Variants in SUMO2 observed in about 807,000 individuals in gnomAD.
SUMO2 encodes small ubiquitin like modifier 2.
Under a neutral mutation model 16.0 loss-of-function variants are expected in SUMO2, and 1 was observed. The ratio of observed to expected loss-of-function variants is 0.06; its 90% CI spans 0.02 to 0.30. The LOEUF (loss-of-function observed/expected upper bound fraction) is 0.30, where lower values mean the gene tolerates loss of function less well. SUMO2 is among the 10% of genes least tolerant of loss of function. The pLI, the probability that SUMO2 is intolerant of heterozygous loss-of-function variation, is 1.00. For synonymous variants in SUMO2, 36 were observed against 40.6 expected, an observed-to-expected ratio of 0.89 and a Z score of 0.43; for missense variants, 16 against 117.5, an observed-to-expected ratio of 0.14 and a Z score of 3.99.
chr17:75,181,237 C>G, intron 1 of SUMO2, 49 bp from the exon 2 acceptor site: 4 of 1,598,030 alleles, frequency 2.5e-6, no homozygotes, highest in Non-Finnish European at 3.4e-6. Flanking sequence ...GATCAACGAA[C>G]ACGTTTTATA....
At chr17:75,178,323 G>A (rs1251979864) in intron 2 of SUMO2, among the ~76,000 whole-genome samples, 2 of 151,794 alleles carry the variant, frequency 1.3e-5, no homozygotes, top group Non-Finnish European at 2.9e-5. Context: ...AGATCATCCT[G>A]GCCAATATTG....
rs140186027 is a variant in SUMO2, at chr17:75,174,829, C to T, written c.154-6G>A. On this transcript the variant is annotated splice_region_variant and splice_polypyrimidine_tract_variant and intron_variant, in intron 2 of 3. Transcript: ENST00000420826. Reference sequence around the variant, plus strand: ...ATCTGCCTCATTGACAATCCCTGAACGAGAATTTAAAAGCAATAAACAGCA... The same window carrying T: ...ATCTGCCTCATTGACAATCCCTGAATGAGAATTTAAAAGCAATAAACAGCA... 1.7e-4 allele frequency: 273 copies of T among 1,611,648 alleles called. No homozygotes were observed. In the African/African-American group the frequency reaches 3.2e-3, roughly 19 times the overall value.
chr17:75,181,276 A>G, intron 1 of SUMO2, 88 bp from the exon 2 acceptor site: 1 of 1,384,460 alleles, frequency 7.2e-7, no homozygotes, highest in South Asian at 1.3e-5. Context: ...TTGCTTCAAA[A>G]ATCAACAGGT....
rs1218886804 is a variant in SUMO2 at position 75,182,937 on chromosome 17, G to A, written c.-103C>T. The A allele has an allele frequency of 3.0e-5, 31 of 1,049,314 alleles. No individual in the cohort carries two copies. The Middle Eastern group carries it at 1.1e-3, about 36-fold the overall frequency. The allele number at this position is 1,049,314 out of a possible 1,614,324, so 65.0% of individuals were successfully genotyped here. A position where few individuals can be genotyped will look rare whatever the true frequency, so the allele number is the denominator to read the frequency against. ...ACCAGGAGCGGCAGAAGAAGGAGGCGGCAGCGGTGGACGAGGGGAGAGGGT... is the reference window on the plus strand; with the variant it reads ...ACCAGGAGCGGCAGAAGAAGGAGGCAGCAGCGGTGGACGAGGGGAGAGGGT... On this transcript the variant is annotated 5_prime_UTR_variant, in exon 1 of 4. Transcript: ENST00000420826.
intron 3 of SUMO2, among the ~76,000 whole-genome samples, chr17:75,173,598 A>C (rs1328841890): frequency 6.6e-6 from 1 of 151,868 alleles, no homozygotes; most frequent in Non-Finnish European, 1.5e-5. Context: ...CCTCACCCTA[A>C]GAAGTAGCTG....
In SUMO2 at chr17:75,181,044, A is replaced by T. The variant is rs2074825176; in HGVS notation, c.153+13T>A. On this transcript the variant is annotated intron_variant, in intron 2 of 3. Transcript: ENST00000420826. ...AGTTTTATTCAGTGGAAGTACACATATGAATTCCTCACCTGTCGTTCACAA... is the reference window on the plus strand; with the variant it reads ...AGTTTTATTCAGTGGAAGTACACATTTGAATTCCTCACCTGTCGTTCACAA... 6.2e-7 allele frequency: 1 copy of T among 1,613,648 alleles called. No homozygotes were observed. Among genetic ancestry groups the T allele is most frequent in the Non-Finnish European group, 8.5e-7 (1 of 1,179,802 alleles).
chr17:75,169,455 C>G (rs2074718469), intron 3 of SUMO2, among the ~76,000 whole-genome samples: 1 of 151,346 alleles, frequency 6.6e-6, no homozygotes, highest in Admixed American at 6.6e-5. Flanking sequence ...AGGATCTCAG[C>G]TCACTGCAAG....
rs548994820 is a variant in SUMO2, at chr17:75,174,944, C to T, written c.154-121G>A. On this transcript the variant is annotated intron_variant, in intron 2 of 3. Transcript: ENST00000420826. ...AAATACCTAAATAAACAATTGCCAA[C>T]ATGTTAACATACCCTATAGGTAAAA... is the stretch of plus-strand genomic sequence containing the variant. 166 of 823,514 alleles carry T rather than the reference C, an allele frequency of 2.0e-4. No individual in the cohort carries two copies. The African/African-American group carries it at 2.7e-3, about 13-fold the overall frequency. 51.0% of individuals were successfully genotyped at this position (823,514 alleles called of 1,614,324 possible).
rs34973549 is a variant in SUMO2, at chr17:75,166,025, G to GA, written c.*2313dup. The GA allele has an allele frequency of 0.23, 34,802 of 149,292 alleles. 5,243 individuals are homozygous for GA. The highest frequency in any genetic ancestry group is 0.65 in the East Asian group (3,327 of 5,122). 9.2% of individuals were successfully genotyped at this position (149,292 alleles called of 1,614,324 possible). On this transcript the variant is annotated 3_prime_UTR_variant, in exon 4 of 4. Transcript: ENST00000420826. ...TGGGCGACAGAGCAAGACTCCGTCT[G>GA]AAAAAAAAACAAAAACAAAAACAAA...
chr17:75,174,727 T>C, intron 3 of SUMO2, 25 bp downstream of exon 3: 2 of 1,604,340 alleles, frequency 1.2e-6, no homozygotes, highest in East Asian at 2.2e-5. Flanking sequence ...ATGGTAATTT[T>C]TCTAATTAGG....
chr17:75,174,614 T>A, intron 3 of SUMO2, 138 bp downstream of exon 3: 1 of 625,290 alleles, frequency 1.6e-6, no homozygotes, highest in Non-Finnish European at 2.7e-6. Flanking sequence ...TTCCTTTCTG[T>A]TCCCCTCTGG....
chr17:75,166,302 C>T lies in SUMO2; in HGVS notation c.*2037G>A, dbSNP rs1187136291. On this transcript the variant is annotated 3_prime_UTR_variant, in exon 4 of 4. Coordinates refer to ENST00000420826, the MANE Select transcript of SUMO2 (RefSeq NM_006937.4). ...ACCAGCCTGACCAACATAGAGAAAC[C>T]CCTTCTCTACTAAAAATACAGAATT... 1.3e-5 allele frequency: 2 copies of T among 150,990 alleles called. No individual in the cohort carries two copies. The highest frequency in any genetic ancestry group is 1.3e-4 in the Admixed American group (2 of 15,096). The allele number at this position is 150,990 out of a possible 1,614,324, so 9.4% of individuals were successfully genotyped here. A position where few individuals can be genotyped will look rare whatever the true frequency, so the allele number is the denominator to read the frequency against.
chr17:75,173,930 G>C (rs1231688310), intron 3 of SUMO2, among the ~76,000 whole-genome samples: 1 of 152,182 alleles, frequency 6.6e-6, no homozygotes, highest in African/African-American at 2.4e-5. Context: ...AGAGTTAAAG[G>C]ATCAGAGAGC....
At chr17:75,178,971 A>G (rs1311575227) in intron 2 of SUMO2, among the ~76,000 whole-genome samples, 1 of 152,100 alleles carries the variant, frequency 6.6e-6, no homozygotes, top group African/African-American at 2.4e-5. Context: ...AAAACAAAAA[A>G]ACCAGATGAG....
In SUMO2 at chr17:75,168,261, A is replaced by G; in HGVS notation, c.*78T>C. The G allele has an allele frequency of 9.0e-7, 1 of 1,107,728 alleles. No individual in the cohort carries two copies. Among genetic ancestry groups the G allele is most frequent in the Non-Finnish European group, 1.3e-6 (1 of 778,166 alleles). 68.6% of individuals were successfully genotyped at this position (1,107,728 alleles called of 1,614,324 possible). ...TAGTAGTCAGGATGTGGTGGAACCAAATTGCAGTTTTCTAATTGAGAATGT... is the reference window on the plus strand; with the variant it reads ...TAGTAGTCAGGATGTGGTGGAACCAGATTGCAGTTTTCTAATTGAGAATGT... On this transcript the variant is annotated 3_prime_UTR_variant, in exon 4 of 4. Coordinates refer to ENST00000420826, the MANE Select transcript of SUMO2 (RefSeq NM_006937.4).
chr17:75,181,358 C>G (rs1304683717), intron 1 of SUMO2, among the ~76,000 whole-genome samples, 170 bp from the exon 2 acceptor site: 1 of 152,082 alleles, frequency 6.6e-6, no homozygotes, highest in Non-Finnish European at 1.5e-5. Flanking sequence ...GCGGAAAAAT[C>G]CTGCAGTAAC....
chr17:75,177,425 T>C (rs1282019563), intron 2 of SUMO2, among the ~76,000 whole-genome samples: 1 of 151,880 alleles, frequency 6.6e-6, no homozygotes, highest in Admixed American at 6.6e-5. Flanking sequence ...ACGCCTATAA[T>C]CCCAACATTT....
chr17:75,179,443 G>A (rs905736982), intron 2 of SUMO2, among the ~76,000 whole-genome samples: 4 of 150,770 alleles, frequency 2.7e-5, no homozygotes, highest in African/African-American at 7.3e-5. Context: ...CAGGAGAATC[G>A]CTTGGTCTCG....
rs1249633753 is a variant in SUMO2 at position 75,167,883 on chromosome 17, C to T, written c.*456G>A. 1 of 163,216 alleles carries T rather than the reference C, an allele frequency of 6.1e-6. No individual in the cohort carries two copies. The highest frequency in any genetic ancestry group is 2.4e-5 in the African/African-American group (1 of 41,370). The allele number at this position is 163,216 out of a possible 1,614,324, so 10.1% of individuals were successfully genotyped here. ...ACGTACAAAAAAGTTATAAAATTGTCCTTGGTTTTACAATGATAAATGAAA... is the reference window on the plus strand; with the variant it reads ...ACGTACAAAAAAGTTATAAAATTGTTCTTGGTTTTACAATGATAAATGAAA... On this transcript the variant is annotated 3_prime_UTR_variant, in exon 4 of 4. Transcript: ENST00000420826.
Sources: gnomAD v4.1 joint callset for allele counts (sites outside exome capture counted in the v4.1 genomes callset) on GRCh38, gnomAD v4.1.1 for gene constraint, MANE v1.5 for transcripts, NCBI Gene and HGNC (gene_info 2026-07-23, HGNC 2026-07-21) for gene names.